The following THSD4 variants were observed in gnomAD, a reference collection of about 807,000 sequenced individuals.
THSD4 encodes thrombospondin type 1 domain containing 4, also known as thrombospondin type-1 domain-containing protein 4.
THSD4 carries 69 observed loss-of-function variants against 119.0 expected under a neutral mutation model. The ratio of observed to expected loss-of-function variants is 0.58; its 90% CI spans 0.48 to 0.71. The LOEUF is 0.71. THSD4 is among the 30% of genes least tolerant of loss of function. The probability of loss-of-function intolerance (pLI) is 0.00; values close to 1 mark genes in which losing one functional copy is unlikely to be tolerated. For missense variants in THSD4, 1,393 were observed against 1,391.1 expected, an observed-to-expected ratio of 1.00 and a Z score of -0.02; for synonymous variants, 524 against 540.4, an observed-to-expected ratio of 0.97 and a Z score of 0.42.
rs149952533 is a variant in THSD4, at chr15:71,650,870, G to A, written c.1153-9660G>A. ...GTCTGTTGGCACGCTCTCAGGGTTC[G>A]AACCAGTACAAGAACCTTACACTTA... On this transcript the variant is annotated intron_variant, in intron 7 of 17. Coordinates refer to ENST00000261862, the MANE Select transcript of THSD4 (RefSeq NM_024817.3). Among the ~76,000 whole-genome samples the A allele has an allele frequency of 2.5e-4, 38 of 152,232 alleles. No homozygotes were observed. The East Asian group carries it at 4.4e-3, about 18-fold the overall frequency.
intron 3 of THSD4, among the ~76,000 whole-genome samples, chr15:71,197,663 C>T (rs181125939): frequency 6.6e-6 from 1 of 152,112 alleles, no homozygotes; most frequent in African/African-American, 2.4e-5. Context: ...TGGCTGAACT[C>T]GGTGCTCCAT....
intron 7 of THSD4, among the ~76,000 whole-genome samples, chr15:71,533,215 A>C (rs576464471): frequency 2.6e-5 from 4 of 152,314 alleles, no homozygotes; most frequent in African/African-American, 9.6e-5. Flanking sequence ...TTATTACGTA[A>C]GTATTGTGTG....
intron 3 of THSD4, chr15:71,165,166 C>A (rs2043283907): frequency 6.3e-7 from 1 of 1,591,318 alleles, no homozygotes; most frequent in Non-Finnish European, 8.6e-7. Flanking sequence ...TCTTTTTTGT[C>A]TCCCCTTTGG....
intron 7 of THSD4, among the ~76,000 whole-genome samples, chr15:71,612,267 A>G (rs2050244881): frequency 6.6e-6 from 1 of 152,182 alleles, no homozygotes; most frequent in Admixed American, 6.5e-5. Flanking sequence ...AAAAGATGTA[A>G]TGAGGCTCTC....
intron 7 of THSD4, among the ~76,000 whole-genome samples, chr15:71,654,733 C>T (rs1028402065): frequency 2.0e-5 from 3 of 152,208 alleles, no homozygotes; most frequent in Non-Finnish European, 4.4e-5. Context: ...GTGTCAGCTA[C>T]TAATCATTTT....
intron 6 of THSD4, among the ~76,000 whole-genome samples, chr15:71,376,069 C>CT (rs2046132344): frequency 6.6e-6 from 1 of 152,242 alleles, no homozygotes; most frequent in South Asian, 2.1e-4. Context: ...TGATTAATGG[C>CT]GAGAGTTCTT....
chr15:71,345,847 A>G (rs1322275688), intron 6 of THSD4, among the ~76,000 whole-genome samples: 3 of 151,086 alleles, frequency 2.0e-5, no homozygotes, highest in African/African-American at 7.3e-5. Context: ...CTTATATGGT[A>G]GTTAAAGCCC....
At chr15:71,284,080 T>C (rs951803073) in intron 6 of THSD4, among the ~76,000 whole-genome samples, 4 of 152,196 alleles carry the variant, frequency 2.6e-5, no homozygotes, top group Non-Finnish European at 5.9e-5. Context: ...TCCTTAGCTC[T>C]AGACTCGAAT....
intron 6 of THSD4, among the ~76,000 whole-genome samples, chr15:71,356,299 A>T (rs1035595117): frequency 2.6e-5 from 4 of 152,174 alleles, no homozygotes; most frequent in Non-Finnish European, 4.4e-5. Flanking sequence ...TTCCAGGAGC[A>T]CCTAGCCTGA....
At chr15:71,643,103 G>C (rs974447283) in intron 7 of THSD4, among the ~76,000 whole-genome samples, 1 of 151,934 alleles carries the variant, frequency 6.6e-6, no homozygotes, top group African/African-American at 2.4e-5. Flanking sequence ...TTCCTCTTGG[G>C]GTACTGGGAG....
At chr15:71,396,152 A>C (rs1039548821) in intron 6 of THSD4, among the ~76,000 whole-genome samples, 2 of 152,156 alleles carry the variant, frequency 1.3e-5, no homozygotes, top group Non-Finnish European at 2.9e-5. Flanking sequence ...ACATGTATAC[A>C]TACATGTAGA....
chr15:71,526,487 T>A (rs2048520922), intron 7 of THSD4, among the ~76,000 whole-genome samples: 1 of 152,180 alleles, frequency 6.6e-6, no homozygotes, highest in Non-Finnish European at 1.5e-5. Flanking sequence ...CGTTTAGTGA[T>A]TCTTTTTTTA....
chr15:71,111,134 A>G (rs769701424), upstream of THSD4: 9 of 1,598,058 alleles, frequency 5.6e-6, no homozygotes, highest in Admixed American at 1.0e-4. Context: ...GTCTTGTACC[A>G]GGTAACAAGA....
chr15:71,564,127 T>C (rs1567038881), intron 7 of THSD4, among the ~76,000 whole-genome samples: 1 of 152,364 alleles, frequency 6.6e-6, no homozygotes, highest in East Asian at 1.9e-4. Flanking sequence ...TCAGTGATTC[T>C]GCAATGTTTC....
intron 3 of THSD4, among the ~76,000 whole-genome samples, chr15:71,197,474 C>G (rs2043730460): frequency 6.6e-6 from 1 of 152,158 alleles, no homozygotes; most frequent in African/African-American, 2.4e-5. Context: ...TGTTTTGAAG[C>G]CCAGATGTTC....
chr15:71,685,279 G>A (rs2051883757), intron 8 of THSD4, among the ~76,000 whole-genome samples: 1 of 151,004 alleles, frequency 6.6e-6, no homozygotes, highest in Non-Finnish European at 1.5e-5. Flanking sequence ...TTTTCTCAGT[G>A]GTTCTTAAAT....
At chr15:71,146,070 G>A (rs958283227) in intron 2 of THSD4, among the ~76,000 whole-genome samples, 1 of 152,174 alleles carries the variant, frequency 6.6e-6, no homozygotes, top group African/African-American at 2.4e-5. Context: ...CAACAGATAA[G>A]GTTGAAATTT....
intron 3 of THSD4, among the ~76,000 whole-genome samples, chr15:71,197,523 C>T (rs1254140017): frequency 1.3e-5 from 2 of 152,208 alleles, no homozygotes; most frequent in African/African-American, 4.8e-5. Context: ...CCAAGTTCAA[C>T]GACCAGACCC....
At chr15:71,675,209 C>G (rs1272052328) in intron 8 of THSD4, among the ~76,000 whole-genome samples, 1 of 152,088 alleles carries the variant, frequency 6.6e-6, no homozygotes, top group African/African-American at 2.4e-5. Flanking sequence ...TTATAGCCAG[C>G]CCTGTGGTGT....
Sources: gnomAD v4.1 joint callset for allele counts (sites outside exome capture counted in the v4.1 genomes callset) on GRCh38, gnomAD v4.1.1 for gene constraint, MANE v1.5 for transcripts, NCBI Gene and HGNC (gene_info 2026-07-23, HGNC 2026-07-21) for gene names.